Variants in HOMER1 observed in about 807,000 individuals in gnomAD.
The protein encoded by HOMER1 is homer protein homolog 1.
HOMER1 carries 3 observed loss-of-function variants against 48.9 expected under a neutral mutation model. That is an observed-to-expected ratio of 0.06 (90% confidence interval 0.03 to 0.16). The LOEUF (loss-of-function observed/expected upper bound fraction) is 0.16, where lower values mean the gene tolerates loss of function less well. HOMER1 is among the 10% of genes least tolerant of loss of function. The pLI, the probability that HOMER1 is intolerant of heterozygous loss-of-function variation, is 1.00. For synonymous variants in HOMER1, 134 were observed against 146.4 expected (o/e 0.92, Z 0.61); for missense variants, 247 against 411.4 (o/e 0.60, Z 3.46).
intron 1 of HOMER1, among the ~76,000 whole-genome samples, chr5:79,505,889 G>A (rs1752752631): frequency 6.6e-6 from 1 of 152,012 alleles, no homozygotes; most frequent in South Asian, 2.1e-4. Flanking sequence ...TATTAACTAA[G>A]TCAAATGTTA....
chr5:79,377,322 AAAAATAAAATG>A (rs1261264064), intron 8 of HOMER1, among the ~76,000 whole-genome samples: 1 of 152,238 alleles, frequency 6.6e-6, no homozygotes, highest in African/African-American at 2.4e-5. Flanking sequence ...GTGAGTCTAA[AAAAATAAAATG>A]ACATAAATCA....
intron 1 of HOMER1, among the ~76,000 whole-genome samples, chr5:79,495,592 C>T (rs1012137052): frequency 3.3e-5 from 5 of 152,174 alleles, no homozygotes; most frequent in African/African-American, 4.8e-5. Flanking sequence ...AAGTGCTTAA[C>T]GTTTTTTACA....
At chr5:79,451,939 T>G (rs1332735141) in intron 2 of HOMER1, among the ~76,000 whole-genome samples, 1 of 152,190 alleles carries the variant, frequency 6.6e-6, no homozygotes, top group African/African-American at 2.4e-5. Flanking sequence ...CAGAAAAGAC[T>G]TGCAATCGTT....
chr5:79,494,509 ACT>A (rs748759424), intron 1 of HOMER1, among the ~76,000 whole-genome samples: 1 of 151,796 alleles, frequency 6.6e-6, no homozygotes, highest in African/African-American at 2.4e-5. Context: ...GCCTTGTTCT[ACT>A]CTGTTTCAAT....
Position 79,392,410 on chromosome 5 carries a change from G to T in HOMER1, c.876+4413C>A, listed in dbSNP as rs574799589. Among the ~76,000 whole-genome samples, 140 of 152,200 alleles carry T rather than the reference G, an allele frequency of 9.2e-4. 2 individuals are homozygous for T. Among genetic ancestry groups the T allele is most frequent in the African/African-American group, 3.2e-3 (134 of 41,518 alleles). ...TAGGCATCAGCTAATATGTGTGTTT[G>T]TGTCTTCGTTTTTTAAAAGAAGTTT... is the stretch of plus-strand genomic sequence containing the variant. On this transcript the variant is annotated intron_variant, in intron 8 of 8. Coordinates refer to ENST00000334082, the MANE Select transcript of HOMER1 (RefSeq NM_004272.5).
intron 8 of HOMER1, among the ~76,000 whole-genome samples, chr5:79,380,731 G>A (rs1051876541): frequency 6.6e-6 from 1 of 152,118 alleles, no homozygotes; most frequent in Non-Finnish European, 1.5e-5. Flanking sequence ...GGTAGGGGGA[G>A]TGAAGGGATT....
intron 8 of HOMER1, among the ~76,000 whole-genome samples, chr5:79,382,195 A>G (rs1012398661): frequency 2.8e-4 from 42 of 152,198 alleles, no homozygotes; most frequent in African/African-American, 9.9e-4. Context: ...TATGCAAATT[A>G]TCAGGGTTCC....
intron 5 of HOMER1, among the ~76,000 whole-genome samples, chr5:79,429,184 C>T (rs10462364): frequency 0.26 from 40,138 of 152,006 alleles, 5,425 homozygotes; most frequent in South Asian, 0.37. Context: ...GGTGAAATCC[C>T]GTCTCTACTA....
chr5:79,471,322 G>C (rs560018937), intron 1 of HOMER1, among the ~76,000 whole-genome samples: 41 of 152,084 alleles, frequency 2.7e-4, no homozygotes, highest in Admixed American at 8.5e-4. Context: ...GAGGCAGGCG[G>C]ATCACCTGAG....
intron 5 of HOMER1, among the ~76,000 whole-genome samples, chr5:79,414,696 C>T (rs906650085): frequency 3.3e-5 from 5 of 151,946 alleles, no homozygotes; most frequent in African/African-American, 1.2e-4. Context: ...ATTCTTTATA[C>T]TCCTGCTGGC....
chr5:79,438,860 A>T, intron 5 of HOMER1, 150 bp downstream of exon 5: 1 of 615,844 alleles, frequency 1.6e-6, no homozygotes, highest in Non-Finnish European at 2.8e-6. Context: ...TTCATTTCTG[A>T]GGTTAACAGA....
chr5:79,477,784 T>C (rs1272057554), intron 1 of HOMER1, among the ~76,000 whole-genome samples: 2 of 152,052 alleles, frequency 1.3e-5, no homozygotes, highest in Non-Finnish European at 1.5e-5. Flanking sequence ...TAAGAGGAGA[T>C]AGAAAACAGG....
chr5:79,467,341 A>G (rs1159523419), intron 1 of HOMER1, among the ~76,000 whole-genome samples: 1 of 143,128 alleles, frequency 7.0e-6, no homozygotes, highest in Non-Finnish European at 1.5e-5. Flanking sequence ...CAGTGAGCCG[A>G]GATTGCACCA....
At chr5:79,409,889 G>T (rs1260075001) in intron 5 of HOMER1, among the ~76,000 whole-genome samples, 1 of 152,154 alleles carries the variant, frequency 6.6e-6, no homozygotes, top group Non-Finnish European at 1.5e-5. Flanking sequence ...TGAGGAGGTG[G>T]AGAAAGTGGA....
chr5:79,497,662 G>GAAAA (rs1212983044), intron 1 of HOMER1, among the ~76,000 whole-genome samples: 4 of 73,074 alleles, frequency 5.5e-5, no homozygotes, highest in African/African-American at 9.2e-5. Flanking sequence ...CTGTCTCAAA[G>GAAAA]AAAAAAAAAA....
chr5:79,465,742 G>A (rs1022949108), intron 1 of HOMER1, among the ~76,000 whole-genome samples: 13 of 151,536 alleles, frequency 8.6e-5, no homozygotes, highest in East Asian at 5.8e-4. Flanking sequence ...ACAGGCACCC[G>A]TCACCACACC....
At chr5:79,417,364 A>G (rs541117362) in intron 5 of HOMER1, among the ~76,000 whole-genome samples, 142 of 152,164 alleles carry the variant, frequency 9.3e-4, no homozygotes, top group Non-Finnish European at 1.6e-3. Flanking sequence ...GGATGGTCTC[A>G]ATCTCCTGAC....
chr5:79,406,038 G>A (rs143295752), intron 5 of HOMER1, among the ~76,000 whole-genome samples: 3 of 152,148 alleles, frequency 2.0e-5, no homozygotes, highest in African/African-American at 7.2e-5. Flanking sequence ...TGGTATTCCT[G>A]AACTAGTTGC....
chr5:79,470,330 T>C (rs534375110), intron 1 of HOMER1, among the ~76,000 whole-genome samples: 46 of 152,284 alleles, frequency 3.0e-4, no homozygotes, highest in African/African-American at 1.1e-3. Flanking sequence ...TATATCTTGT[T>C]CCAAGAAACT....
Sources: gnomAD v4.1 joint callset for allele counts (sites outside exome capture counted in the v4.1 genomes callset) on GRCh38, gnomAD v4.1.1 for gene constraint, MANE v1.5 for transcripts, NCBI Gene and HGNC (gene_info 2026-07-23, HGNC 2026-07-21) for gene names.